The following CAMK2B variants were observed in gnomAD, a reference collection of about 807,000 sequenced individuals.
CAMK2B encodes calcium/calmodulin-dependent protein kinase type II subunit beta.
A neutral mutation model predicts 93.7 loss-of-function variants in CAMK2B; 27 were observed. The observed-to-expected ratio is 0.29, with a 90% CI of 0.21 to 0.40. The LOEUF (loss-of-function observed/expected upper bound fraction) is 0.40. Among genes scored for constraint, CAMK2B ranks in the 10% least tolerant of loss-of-function variants. The pLI, the probability that CAMK2B is intolerant of heterozygous loss-of-function variation, is 1.00. For missense variants in CAMK2B, 568 were observed against 895.8 expected (o/e 0.63, Z 4.67); for synonymous variants, 374 against 358.8 (o/e 1.04, Z -0.48).
chr7:44,232,262 G>A (rs2128925762), intron 16 of CAMK2B, among the ~76,000 whole-genome samples: 1 of 152,290 alleles, frequency 6.6e-6, no homozygotes, highest in Admixed American at 6.5e-5. Flanking sequence ...CGTGTTGGGT[G>A]TAGTGGCGCT....
chr7:44,229,450 G>T lies in CAMK2B; in HGVS notation c.1277C>A (p.Pro426Gln). The T allele has an allele frequency of 6.7e-7, 1 of 1,489,724 alleles. No homozygotes were observed. Among genetic ancestry groups the T allele is most frequent in the Non-Finnish European group, 8.9e-7 (1 of 1,121,138 alleles). 92.3% of individuals were successfully genotyped at this position (1,489,724 alleles called of 1,614,324 possible). The change falls in exon 18 of 24, where the codon CCA becomes CAA. Residue 426 changes from proline (P) to glutamine (Q), a missense_variant. Pro to Gln is a moderately conservative substitution (Grantham distance 76, BLOSUM62 -1). This residue lies in a region of CAMK2B where 308 missense variants were observed against 292.1 expected (regional missense o/e 1.05). Transcript: ENST00000395749. ...LSSVRRGSGA[P>Q]EAEGPLPCPS... Reference sequence around the variant, plus strand: ...GCAGGGCAGGGGCCCCTCGGCTTCTGGGGCTCCCGAGCCCCTCCTCACTGA... The same window carrying T: ...GCAGGGCAGGGGCCCCTCGGCTTCTTGGGCTCCCGAGCCCCTCCTCACTGA...
intron 20 of CAMK2B, among the ~76,000 whole-genome samples, chr7:44,222,515 A>T (rs1225643686): frequency 2.0e-5 from 3 of 151,786 alleles, no homozygotes; most frequent in Non-Finnish European, 2.9e-5. Context: ...GGCTCACTGC[A>T]GTCTCTGACT....
intron 1 of CAMK2B, among the ~76,000 whole-genome samples, chr7:44,318,493 C>T (rs1172265431): frequency 6.6e-6 from 1 of 152,244 alleles, no homozygotes; most frequent in Non-Finnish European, 1.5e-5. Context: ...GCACTGTTCT[C>T]AGCACTTGAA....
chr7:44,300,314 G>A (rs1789603793), intron 1 of CAMK2B, among the ~76,000 whole-genome samples: 1 of 152,012 alleles, frequency 6.6e-6, no homozygotes, highest in African/African-American at 2.4e-5. Context: ...GGAATTACAG[G>A]TGTAAGCCAC....
At chr7:44,227,856 G>A (rs1395038434) in intron 19 of CAMK2B, among the ~76,000 whole-genome samples, 1 of 126,758 alleles carries the variant, frequency 7.9e-6, no homozygotes, top group Non-Finnish European at 1.7e-5. Context: ...TGGAAATGAG[G>A]GAAAGAGGGG....
chr7:44,321,950 C>T (rs539199338), intron 1 of CAMK2B, among the ~76,000 whole-genome samples: 2 of 152,342 alleles, frequency 1.3e-5, no homozygotes, highest in Non-Finnish European at 1.5e-5. Context: ...ACAGAAGACT[C>T]GAGGACCCTC....
intron 3 of CAMK2B, 80 bp downstream of exon 3, chr7:44,262,925 G>A (rs2129038968): frequency 8.0e-7 from 1 of 1,246,840 alleles, no homozygotes; most frequent in East Asian, 2.3e-5. Flanking sequence ...CTCTTTGAAA[G>A]TCTGATAGAG....
chr7:44,315,160 A>G (rs142721669), intron 1 of CAMK2B, among the ~76,000 whole-genome samples: 9 of 152,304 alleles, frequency 5.9e-5, no homozygotes, highest in Admixed American at 5.9e-4. Flanking sequence ...GCCTAATACA[A>G]AGTTGCAAAG....
intron 13 of CAMK2B, among the ~76,000 whole-genome samples, 171 bp from the exon 14 acceptor site, chr7:44,234,847 C>T (rs2096611071): frequency 6.6e-6 from 1 of 152,178 alleles, no homozygotes; most frequent in South Asian, 2.1e-4. Flanking sequence ...GGGGCCATCC[C>T]ATCACCCCAG....
At chr7:44,255,161 A>T (rs1443581324) in intron 4 of CAMK2B, among the ~76,000 whole-genome samples, 2 of 152,132 alleles carry the variant, frequency 1.3e-5, no homozygotes, top group East Asian at 3.9e-4. Context: ...TTGGTGGCGC[A>T]GGGTCTTGAG....
At chr7:44,318,406 G>A (rs1795310378) in intron 1 of CAMK2B, among the ~76,000 whole-genome samples, 1 of 152,192 alleles carries the variant, frequency 6.6e-6, no homozygotes, top group Non-Finnish European at 1.5e-5. Context: ...CCACTGCTCT[G>A]GGAAGCAGTC....
At chr7:44,254,153 C>A (rs1007410093) in intron 5 of CAMK2B, among the ~76,000 whole-genome samples, 1 of 152,148 alleles carries the variant, frequency 6.6e-6, no homozygotes, top group Admixed American at 6.5e-5. Flanking sequence ...CTCCAGCAGC[C>A]GGGCCACAAA....
intron 2 of CAMK2B, among the ~76,000 whole-genome samples, chr7:44,283,669 G>A (rs140291716): frequency 1.3e-4 from 20 of 152,336 alleles, no homozygotes; most frequent in African/African-American, 4.3e-4. Flanking sequence ...AGCACTGCCC[G>A]GTCACCTGAA....
At chr7:44,222,379 G>A (rs732360) in intron 20 of CAMK2B, among the ~76,000 whole-genome samples, 30,811 of 152,008 alleles carry the variant, frequency 0.2, 3,289 homozygotes, top group Admixed American at 0.28. Context: ...TGCTGTGAGT[G>A]CTGCCTCCAA....
intron 2 of CAMK2B, among the ~76,000 whole-genome samples, chr7:44,282,423 A>AT (rs1382052225): frequency 1.3e-5 from 2 of 152,204 alleles, no homozygotes; most frequent in Non-Finnish European, 2.9e-5. Flanking sequence ...TTGGGAGCGC[A>AT]TGCCTCTGGA....
Position 44,271,210 on chromosome 7 carries a change from T to A in CAMK2B, c.161-8146A>T, listed in dbSNP as rs2096971386. Among the ~76,000 whole-genome samples, 1 of 152,160 alleles carries A rather than the reference T, an allele frequency of 6.6e-6. No individual in the cohort carries two copies. Among genetic ancestry groups the A allele is most frequent in the Non-Finnish European group, 1.5e-5 (1 of 68,026 alleles). Reference sequence around the variant, plus strand: ...CTGGGATTACAGGCATGAGCCACCATCTGGCCCTCTAGACTCTTAAACAGC... The same window carrying A: ...CTGGGATTACAGGCATGAGCCACCAACTGGCCCTCTAGACTCTTAAACAGC... On this transcript the variant is annotated intron_variant, in intron 2 of 23. Coordinates refer to ENST00000395749, the MANE Select transcript of CAMK2B (RefSeq NM_001220.5). The surrounding 1 kb of genome is among the most constrained non-coding windows in gnomAD (Gnocchi z 4.2).
rs776026885 is a variant in CAMK2B, at chr7:44,228,779, T to C, written c.1468+17A>G. 6.9e-7 allele frequency: 1 copy of C among 1,455,976 alleles called. No individual in the cohort carries two copies. Among genetic ancestry groups the C allele is most frequent in the South Asian group, 1.5e-5 (1 of 68,338 alleles). 90.2% of individuals were successfully genotyped at this position (1,455,976 alleles called of 1,614,324 possible). On this transcript the variant is annotated intron_variant, in intron 19 of 23. Coordinates refer to ENST00000395749, the MANE Select transcript of CAMK2B (RefSeq NM_001220.5). ...TGTCCGGCAGCAGAGGCGGCAGGCC[T>C]GGGGGCCACTACTTACACGGGGAGG...
intron 20 of CAMK2B, among the ~76,000 whole-genome samples, chr7:44,223,973 C>G (rs2096444363): frequency 6.6e-6 from 1 of 152,256 alleles, no homozygotes; most frequent in Non-Finnish European, 1.5e-5. Flanking sequence ...GGTTTCCAGT[C>G]TGCTTTGGTT....
chr7:44,307,227 A>G (rs886223909), intron 1 of CAMK2B, among the ~76,000 whole-genome samples: 5 of 51,888 alleles, frequency 9.6e-5, no homozygotes, highest in Non-Finnish European at 1.8e-4. Context: ...GGTATGAGCA[A>G]GGGGAGGAGG....
Sources: gnomAD v4.1 joint callset for allele counts (sites outside exome capture counted in the v4.1 genomes callset) on GRCh38, gnomAD v4.1.1 for gene constraint, gnomAD v4.1.1 regional missense constraint, Gnocchi (gnomAD v3.1) non-coding constraint, MANE v1.5 for transcripts, NCBI Gene and HGNC (gene_info 2026-07-23, HGNC 2026-07-21) for gene names.